The following NLGN1 variants were observed in gnomAD, a reference collection of about 807,000 sequenced individuals.
NLGN1 encodes neuroligin-1.
A neutral mutation model predicts 65.5 loss-of-function variants in NLGN1; 12 were observed. The ratio of observed to expected loss-of-function variants is 0.18; its 90% CI spans 0.12 to 0.30. The LOEUF (loss-of-function observed/expected upper bound fraction) is 0.30. Among genes scored for constraint, NLGN1 ranks in the 10% least tolerant of loss-of-function variants. The pLI, the probability that NLGN1 is intolerant of heterozygous loss-of-function variation, is 1.00. For synonymous variants in NLGN1, 350 were observed against 359.5 expected, an observed-to-expected ratio of 0.97 and a Z score of 0.30; for missense variants, 750 against 1,007.1, an observed-to-expected ratio of 0.74 and a Z score of 3.46.
intron 4 of NLGN1, among the ~76,000 whole-genome samples, chr3:174,195,704 G>A (rs1733281794): frequency 6.6e-6 from 1 of 152,074 alleles, no homozygotes; most frequent in Non-Finnish European, 1.5e-5. Context: ...TCACTAAGTT[G>A]GAAGAGATGC....
In NLGN1 at chr3:173,689,448, C is replaced by T. The variant is rs1023391858; in HGVS notation, c.493+84357C>T. On this transcript the variant is annotated intron_variant, in intron 3 of 6. Coordinates refer to ENST00000457714, the Ensembl canonical transcript of NLGN1. The stretch of plus-strand genomic sequence containing the variant: ...TCTGCTGGACAAATCTGAACACACC[C>T]CTGCTGAAATGGCTCTTCAACTTTT... Among the ~76,000 whole-genome samples the T allele has an allele frequency of 2.0e-5, 3 of 152,068 alleles. No homozygotes were observed. In the East Asian group the frequency reaches 5.8e-4, roughly 29 times the overall value.
At chr3:173,585,320 C>CT (rs1747202280) in intron 2 of NLGN1, among the ~76,000 whole-genome samples, 1 of 152,108 alleles carries the variant, frequency 6.6e-6, no homozygotes, top group Non-Finnish European at 1.5e-5. Flanking sequence ...CCTAGCAATA[C>CT]TTTAAGGAGA....
chr3:173,653,218 T>C (rs991136764), intron 3 of NLGN1, among the ~76,000 whole-genome samples: 2 of 152,342 alleles, frequency 1.3e-5, no homozygotes, highest in African/African-American at 4.8e-5. Flanking sequence ...TTTTCCGATT[T>C]GGATGCCTTT....
chr3:174,255,630 T>TTCTA (rs1267739282), intron 4 of NLGN1, among the ~76,000 whole-genome samples: 2,437 of 129,652 alleles, frequency 0.019, 46 homozygotes, highest in African/African-American at 0.049. Flanking sequence ...TCTTTCTTTC[T>TTCTA]TTTCTTCTAT....
chr3:174,078,714 T>TA (rs1427060610), intron 4 of NLGN1, among the ~76,000 whole-genome samples: 3 of 152,290 alleles, frequency 2.0e-5, no homozygotes, highest in African/African-American at 7.2e-5. Context: ...GGTTGGAAAT[T>TA]ACTTTCTCTG....
intron 4 of NLGN1, among the ~76,000 whole-genome samples, chr3:174,256,429 C>A (rs1041248384): frequency 6.6e-6 from 1 of 152,176 alleles, no homozygotes; most frequent in Non-Finnish European, 1.5e-5. Flanking sequence ...ACATAATCTA[C>A]ATAACTCATA....
At position 173,465,477 on chromosome 3, in the gene NLGN1, G is replaced by A. The variant is rs116455417; in HGVS notation, c.-321+30399G>A. On this transcript the variant is annotated intron_variant, in intron 2 of 6. Transcript: ENST00000457714. Reference sequence around the variant, plus strand: ...AATTACAAAAGTTATTTGAGAAAGGGCATTTGTCAGAAAAATAATAAATTT... The same window carrying A: ...AATTACAAAAGTTATTTGAGAAAGGACATTTGTCAGAAAAATAATAAATTT... Among the ~76,000 whole-genome samples, 594 of 152,216 alleles carry A rather than the reference G, an allele frequency of 3.9e-3. 6 individuals are homozygous for A. Among genetic ancestry groups the A allele is most frequent in the African/African-American group, 0.013 (554 of 41,522 alleles).
intron 4 of NLGN1, among the ~76,000 whole-genome samples, chr3:173,944,131 G>A (rs989386265): frequency 2.0e-5 from 3 of 150,058 alleles, no homozygotes; most frequent in Non-Finnish European, 4.5e-5. Context: ...ATGGGTGTGT[G>A]TGTGTGTGTG....
At chr3:174,002,181 G>A (rs1723435706) in intron 4 of NLGN1, among the ~76,000 whole-genome samples, 1 of 152,040 alleles carries the variant, frequency 6.6e-6, no homozygotes, top group South Asian at 2.1e-4. Flanking sequence ...AGGCTGGAGT[G>A]CAGTGGCACG....
chr3:173,790,566 G>C (rs1712482670), intron 3 of NLGN1, among the ~76,000 whole-genome samples: 1 of 152,130 alleles, frequency 6.6e-6, no homozygotes, highest in Non-Finnish European at 1.5e-5. Flanking sequence ...TAATAATAGA[G>C]AGGATAAGAA....
intron 2 of NLGN1, among the ~76,000 whole-genome samples, chr3:173,483,361 G>C (rs971055610): frequency 1.3e-5 from 2 of 151,878 alleles, no homozygotes; most frequent in Admixed American, 1.3e-4. Flanking sequence ...GGAGGGGGTA[G>C]AATTTCATGA....
chr3:174,267,019 C>T (rs937441584), intron 4 of NLGN1, among the ~76,000 whole-genome samples: 2 of 152,010 alleles, frequency 1.3e-5, no homozygotes, highest in African/African-American at 2.4e-5. Context: ...AACATTATCT[C>T]TTCTAATAAT....
intron 4 of NLGN1, among the ~76,000 whole-genome samples, chr3:173,864,115 G>C (rs1329015611): frequency 6.6e-6 from 1 of 152,176 alleles, no homozygotes; most frequent in Non-Finnish European, 1.5e-5. Context: ...ATGGACTGTT[G>C]AATGGCTTGT....
intron 4 of NLGN1, among the ~76,000 whole-genome samples, chr3:174,103,009 A>G (rs1712896697): frequency 6.6e-6 from 1 of 152,170 alleles, no homozygotes; most frequent in Admixed American, 6.6e-5. Context: ...CTTTTTATCA[A>G]TGCAGCTTTC....
chr3:173,610,850 A>G (rs1280095292), intron 3 of NLGN1, among the ~76,000 whole-genome samples: 1 of 152,030 alleles, frequency 6.6e-6, no homozygotes, highest in Non-Finnish European at 1.5e-5. Flanking sequence ...GCTTTTTAAA[A>G]AGGCATCAGA....
At chr3:173,461,584 A>G (rs1412829545) in intron 2 of NLGN1, among the ~76,000 whole-genome samples, 2 of 152,118 alleles carry the variant, frequency 1.3e-5, no homozygotes, top group African/African-American at 2.4e-5. Context: ...TAGAATAATA[A>G]TAATTCTCAA....
chr3:174,061,165 C>T (rs1737328240), intron 4 of NLGN1, among the ~76,000 whole-genome samples: 1 of 151,982 alleles, frequency 6.6e-6, no homozygotes, highest in Admixed American at 6.6e-5. Flanking sequence ...TGAAGTTCTG[C>T]TGCACACAGA....
rs997199722 is a variant in NLGN1, at chr3:173,980,533, C to T, written c.646+172701C>T. ...TTTTTTCCTCATTATAATAGTTTAA[C>T]GAACATCTTTGGGAATATAGTTCTT... On this transcript the variant is annotated intron_variant, in intron 4 of 6. Transcript: ENST00000457714. 2.6e-5 allele frequency among the ~76,000 whole-genome samples: 4 copies of T among 151,894 alleles called. No homozygotes were observed. In the South Asian group the frequency reaches 6.2e-4, roughly 24 times the overall value.
exon 7 of NLGN1, chr3:174,283,457 A>G (rs183109376): frequency 1.3e-5 from 2 of 151,628 alleles, no homozygotes; most frequent in Non-Finnish European, 3.0e-5. Context: ...TCTAGTCATC[A>G]AGGAAAAGGT....
Sources: gnomAD v4.1 joint callset for allele counts (sites outside exome capture counted in the v4.1 genomes callset) on GRCh38, gnomAD v4.1.1 for gene constraint, MANE v1.5 for transcripts, NCBI Gene and HGNC (gene_info 2026-07-23, HGNC 2026-07-21) for gene names.